DPP10: variants seen among roughly 807,000 people sequenced by gnomAD.
The protein encoded by DPP10 is dipeptidyl peptidase like 10.
Under a neutral mutation model 120.9 loss-of-function variants are expected in DPP10, and 33 were observed. The ratio of observed to expected loss-of-function variants is 0.27; its 90% CI spans 0.21 to 0.37. DPP10 has a LOEUF of 0.37. Among genes scored for constraint, DPP10 ranks in the 10% least tolerant of loss-of-function variants. DPP10 has a pLI of 1.00. For synonymous variants in DPP10, 337 were observed against 326.1 expected (o/e 1.03, Z -0.36); for missense variants, 816 against 942.8 (o/e 0.87, Z 1.76).
chr2:114,554,202 A>G (rs1387299427), intron 1 of DPP10, among the ~76,000 whole-genome samples: 1 of 152,168 alleles, frequency 6.6e-6, no homozygotes, highest in Admixed American at 6.5e-5. Flanking sequence ...AGCCCCTAGT[A>G]ACCATCCTGA....
At chr2:115,216,578 G>T (rs1284748422) in intron 1 of DPP10, among the ~76,000 whole-genome samples, 2 of 152,118 alleles carry the variant, frequency 1.3e-5, no homozygotes, top group Non-Finnish European at 2.9e-5. Context: ...GAGGCCAGGA[G>T]TTCGAGAGAA....
At chr2:115,633,261 ATG>A (rs1413797550) in intron 5 of DPP10, among the ~76,000 whole-genome samples, 54 of 152,198 alleles carry the variant, frequency 3.5e-4, no homozygotes, top group African/African-American at 1.2e-3. Flanking sequence ...ATAAAAAAGG[ATG>A]AGTTCATGTC....
chr2:114,815,092 C>G lies in DPP10; in HGVS notation c.60+372254C>G, dbSNP rs1030673520. ...TCAATGCTGGAGTAATAGGATCTGC[C>G]AAATCTCACTTTCCCCACCTGGGAT... On this transcript the variant is annotated intron_variant, in intron 1 of 25. Coordinates refer to ENST00000410059, the MANE Select transcript of DPP10 (RefSeq NM_020868.6). Among the ~76,000 whole-genome samples the G allele has an allele frequency of 3.3e-5, 5 of 152,140 alleles. No homozygotes were observed. In the East Asian group the frequency reaches 5.8e-4, roughly 18 times the overall value.
chr2:114,794,916 T>TCTCA (rs1683572370), intron 1 of DPP10, among the ~76,000 whole-genome samples: 1 of 152,206 alleles, frequency 6.6e-6, no homozygotes, highest in African/African-American at 2.4e-5. Flanking sequence ...TAGTGTAAGC[T>TCTCA]CTCAGTACAT....
At chr2:115,801,866 T>C (rs1685283604) in intron 19 of DPP10, among the ~76,000 whole-genome samples, 1 of 152,210 alleles carries the variant, frequency 6.6e-6, no homozygotes, top group African/African-American at 2.4e-5. Context: ...TGCATCAATG[T>C]TCTTCAAGGA....
intron 5 of DPP10, among the ~76,000 whole-genome samples, chr2:115,650,009 T>C (rs2087612519): frequency 6.6e-6 from 1 of 151,968 alleles, no homozygotes; most frequent in Non-Finnish European, 1.5e-5. Flanking sequence ...AGTTTTTGGA[T>C]TTGTTGGCAA....
intron 1 of DPP10, among the ~76,000 whole-genome samples, chr2:115,270,529 G>A (rs1305388722): frequency 1.3e-5 from 2 of 152,110 alleles, no homozygotes; most frequent in Admixed American, 6.6e-5. Context: ...CCATGACTCT[G>A]GTGTTGACAT....
At chr2:114,964,481 C>T (rs1313197012) in intron 1 of DPP10, among the ~76,000 whole-genome samples, 2 of 152,054 alleles carry the variant, frequency 1.3e-5, no homozygotes, top group South Asian at 2.1e-4. Flanking sequence ...GAAATTTTGA[C>T]AGAGTATCCA....
At chr2:115,024,191 C>T (rs1290482945) in intron 1 of DPP10, among the ~76,000 whole-genome samples, 1 of 152,060 alleles carries the variant, frequency 6.6e-6, no homozygotes, top group Admixed American at 6.6e-5. Context: ...AAACCAACAA[C>T]ATATTTGGAT....
At chr2:114,983,466 T>C (rs1287085555) in intron 1 of DPP10, among the ~76,000 whole-genome samples, 1 of 152,212 alleles carries the variant, frequency 6.6e-6, no homozygotes, top group African/African-American at 2.4e-5. Flanking sequence ...TATTGAAATA[T>C]AGGACATTTT....
chr2:114,607,871 T>C (rs530986406), intron 1 of DPP10, among the ~76,000 whole-genome samples: 2 of 152,320 alleles, frequency 1.3e-5, no homozygotes, highest in African/African-American at 4.8e-5. Flanking sequence ...CAAACTATTG[T>C]TTCTGGACCC....
At chr2:115,387,699 G>C (rs1407991333) in intron 3 of DPP10, among the ~76,000 whole-genome samples, 2 of 152,118 alleles carry the variant, frequency 1.3e-5, no homozygotes, top group African/African-American at 4.8e-5. Flanking sequence ...TTATTCATTA[G>C]ATTTAGGAGT....
chr2:114,540,207 C>T (rs924363103), intron 1 of DPP10, among the ~76,000 whole-genome samples: 31 of 152,034 alleles, frequency 2.0e-4, no homozygotes, highest in Non-Finnish European at 1.8e-4. Flanking sequence ...CAAATGTGGA[C>T]CAGTACTTAA....
chr2:114,919,124 T>C (rs531918728), intron 1 of DPP10, among the ~76,000 whole-genome samples: 4 of 151,764 alleles, frequency 2.6e-5, no homozygotes, highest in East Asian at 1.9e-4. Context: ...CCAAGTTTTA[T>C]TGAGATGAGG....
chr2:115,493,387 C>T (rs2076225789), intron 3 of DPP10, among the ~76,000 whole-genome samples: 2 of 151,780 alleles, frequency 1.3e-5, no homozygotes, highest in South Asian at 4.2e-4. Context: ...TATATGTCTA[C>T]AAGATATGTG....
At chr2:114,923,329 G>A (rs1430086189) in intron 1 of DPP10, among the ~76,000 whole-genome samples, 4 of 151,372 alleles carry the variant, frequency 2.6e-5, no homozygotes, top group South Asian at 2.1e-4. Context: ...GATTACACGT[G>A]TGCGCCATCA....
At chr2:114,496,562 G>A (rs1175271299) in intron 1 of DPP10, among the ~76,000 whole-genome samples, 1 of 152,058 alleles carries the variant, frequency 6.6e-6, no homozygotes, top group African/African-American at 2.4e-5. Context: ...CCTCTTTTAT[G>A]AGGGCACTAA....
At chr2:115,320,884 G>A (rs965342080) in intron 2 of DPP10, among the ~76,000 whole-genome samples, 3 of 151,948 alleles carry the variant, frequency 2.0e-5, no homozygotes, top group Non-Finnish European at 4.4e-5. Flanking sequence ...TGACATTTTT[G>A]GAGGGCAGTT....
intron 1 of DPP10, among the ~76,000 whole-genome samples, chr2:114,674,575 G>A (rs1438165388): frequency 6.6e-6 from 1 of 152,140 alleles, no homozygotes; most frequent in East Asian, 1.9e-4. Context: ...GTGCAATGTA[G>A]CTTTTAAACT....
Sources: allele counts gnomAD v4.1 joint callset (sites outside exome capture counted in the v4.1 genomes callset), GRCh38; gene constraint gnomAD v4.1.1; transcripts MANE v1.5; gene names NCBI Gene and HGNC (gene_info 2026-07-23, HGNC 2026-07-21).